Variants in CYTIP observed in about 807,000 individuals in gnomAD.
CYTIP encodes cytohesin 1 interacting protein.
CYTIP carries 26 observed loss-of-function variants against 43.8 expected under a neutral mutation model. The observed-to-expected ratio is 0.59, with a 90% CI of 0.44 to 0.82. CYTIP has a LOEUF of 0.82. Among genes scored for constraint, CYTIP ranks in the 40% least tolerant of loss-of-function variants. The pLI, the probability that CYTIP is intolerant of heterozygous loss-of-function variation, is 0.00. For missense variants in CYTIP, 426 were observed against 443.1 expected, an observed-to-expected ratio of 0.96 and a Z score of 0.35; for synonymous variants, 162 against 162.9, an observed-to-expected ratio of 0.99 and a Z score of 0.04.
intron 5 of CYTIP, among the ~76,000 whole-genome samples, chr2:157,429,370 G>C (rs1347457993): frequency 1.3e-5 from 2 of 152,222 alleles, no homozygotes. Flanking sequence ...CGCCTCCCTA[G>C]AAAAGACCAC....
chr2:157,421,809 A>G (rs1685526773), intron 6 of CYTIP, among the ~76,000 whole-genome samples: 1 of 152,216 alleles, frequency 6.6e-6, no homozygotes, highest in Non-Finnish European at 1.5e-5. Context: ...GGGTCAGACC[A>G]AGACATTTTT....
At chr2:157,431,766 C>T (rs760336237) in intron 3 of CYTIP, among the ~76,000 whole-genome samples, 8 of 152,192 alleles carry the variant, frequency 5.3e-5, no homozygotes, top group South Asian at 2.1e-4. Flanking sequence ...GAGTAGAGTA[C>T]GTCTTTTAAA....
intron 1 of CYTIP, among the ~76,000 whole-genome samples, chr2:157,436,465 C>T (rs543974220): frequency 6.6e-6 from 1 of 152,056 alleles, no homozygotes; most frequent in African/African-American, 2.4e-5. Context: ...ATAACTAGGG[C>T]TTTTTTATTC....
intron 6 of CYTIP, among the ~76,000 whole-genome samples, chr2:157,424,374 C>G (rs575116147): frequency 2.0e-5 from 3 of 152,118 alleles, no homozygotes; most frequent in African/African-American, 7.2e-5. Flanking sequence ...GTACAGAGGA[C>G]TAAGTCTAAC....
intron 1 of CYTIP, among the ~76,000 whole-genome samples, chr2:157,440,211 T>A (rs1418626309): frequency 1.3e-5 from 2 of 152,142 alleles, no homozygotes; most frequent in Non-Finnish European, 2.9e-5. Flanking sequence ...AATTCTTCCA[T>A]GCAACTCCCA....
chr2:157,424,104 A>G (rs569793556), intron 6 of CYTIP, among the ~76,000 whole-genome samples: 2 of 152,322 alleles, frequency 1.3e-5, no homozygotes, highest in African/African-American at 4.8e-5. Context: ...TCATTGTTGT[A>G]TGGTAGCGCC....
chr2:157,438,048 A>T (rs1229366643), intron 1 of CYTIP, among the ~76,000 whole-genome samples: 1 of 152,248 alleles, frequency 6.6e-6, no homozygotes, highest in Non-Finnish European at 1.5e-5. Context: ...AAAGGAAATC[A>T]TTATATCGAA....
chr2:157,415,415 C>G lies in CYTIP; in HGVS notation c.*262G>C, dbSNP rs1685424217. 1 of 348,546 alleles carries G rather than the reference C, an allele frequency of 2.9e-6. No individual in the cohort carries two copies. The highest frequency in any genetic ancestry group is 2.1e-5 in the African/African-American group (1 of 47,582). 21.6% of individuals were successfully genotyped at this position (348,546 alleles called of 1,614,324 possible). On this transcript the variant is annotated 3_prime_UTR_variant, in exon 8 of 8. Coordinates refer to ENST00000264192, the MANE Select transcript of CYTIP (RefSeq NM_004288.5). ...ATTAGTTTTGCTTTCAAAGACATTA[C>G]TGGAATGAGCAGGAACCTGCATCTT...
chr2:157,415,499 G>T lies in CYTIP; in HGVS notation c.*178C>A. ...TGTCTGCTTAGAAATTGGCTGTTTA[G>T]GTTGAAAAATGATTTAAGAAGCATA... On this transcript the variant is annotated 3_prime_UTR_variant, in exon 8 of 8. Transcript: ENST00000264192. 1.8e-6 allele frequency: 1 copy of T among 558,948 alleles called. No individual in the cohort carries two copies. The allele number at this position is 558,948 out of a possible 1,614,324, so 34.6% of individuals were successfully genotyped here. A position where few individuals can be genotyped will look rare whatever the true frequency, so the allele number is the denominator to read the frequency against.
Position 157,415,266 on chromosome 2 carries a change from G to T in CYTIP, c.*411C>A, listed in dbSNP as rs1367947378. On this transcript the variant is annotated 3_prime_UTR_variant, in exon 8 of 8. Transcript: ENST00000264192. Reference sequence around the variant, plus strand: ...AGCTACTGGGCATAAGCAAACCTAAGATTTTATAACCCAGCAATTATCCTA... The same window carrying T: ...AGCTACTGGGCATAAGCAAACCTAATATTTTATAACCCAGCAATTATCCTA... The T allele has an allele frequency of 1.2e-5, 2 of 162,666 alleles. No individual in the cohort carries two copies. The highest frequency in any genetic ancestry group is 4.8e-5 in the African/African-American group (2 of 41,504). 10.1% of individuals were successfully genotyped at this position (162,666 alleles called of 1,614,324 possible). A position where few individuals can be genotyped will look rare whatever the true frequency, so the allele number is the denominator to read the frequency against.
Position 157,430,957 on chromosome 2 carries a change from G to C in CYTIP, c.285C>G (p.Tyr95Ter). 6.2e-7 allele frequency: 1 copy of C among 1,604,864 alleles called. No homozygotes were observed. Among genetic ancestry groups the C allele is most frequent in the South Asian group, 1.1e-5 (1 of 89,134 alleles). The change falls in exon 4 of 8, where the codon TAC (tyrosine) becomes TAG (stop). Residue 95 changes from tyrosine to a stop codon, truncating the protein, a stop_gained. Coordinates refer to ENST00000264192, the MANE Select transcript of CYTIP (RefSeq NM_004288.5). LOFTEE classifies it high-confidence loss of function. ...AGCAGGCATTCTGATTCTGGGGCCT[G>C]TAAGACTGTAAAAATTAAGATGATA... is the stretch of plus-strand genomic sequence containing the variant. ...NETFGFEIQS[Y>*]RPQNQNACSS... is the part of the protein sequence containing the mutation.
In CYTIP at chr2:157,415,827, G is replaced by T; in HGVS notation, c.930C>A (p.Ser310Arg). The change falls in exon 8 of 8, where the codon AGC becomes AGA. Residue 310 changes from serine (S) to arginine (R), a missense_variant. Coordinates refer to ENST00000264192, the MANE Select transcript of CYTIP (RefSeq NM_004288.5). ...RRNRSISNTSSGSMSPLWEGN... is the reference protein window; with the variant it reads ...RRNRSISNTSRGSMSPLWEGN... Reference sequence around the variant, plus strand: ...CCTCCCACAAGGGAGACATGGATCCGCTGCTGGTGTTACTGATGCTCCGGT... The same window carrying T: ...CCTCCCACAAGGGAGACATGGATCCTCTGCTGGTGTTACTGATGCTCCGGT... The T allele has an allele frequency of 6.2e-7, 1 of 1,614,186 alleles. No individual in the cohort carries two copies. The highest frequency in any genetic ancestry group is 8.5e-7 in the Non-Finnish European group (1 of 1,180,034).
At chr2:157,422,929 A>G (rs1685545461) in intron 6 of CYTIP, among the ~76,000 whole-genome samples, 1 of 152,130 alleles carries the variant, frequency 6.6e-6, no homozygotes, top group Non-Finnish European at 1.5e-5. Flanking sequence ...GAATTCAGAA[A>G]GAATATAACA....
chr2:157,420,633 A>G lies in CYTIP; in HGVS notation c.547-2044T>C, dbSNP rs374571915. Among the ~76,000 whole-genome samples the G allele has an allele frequency of 8.1e-4, 115 of 141,570 alleles. 1 individual carries two copies. Among genetic ancestry groups the G allele is most frequent in the African/African-American group, 3.0e-3 (112 of 37,522 alleles). 92.9% of individuals were successfully genotyped at this position (141,570 alleles called of 152,430 possible). ...GCTACTGCACTCCAGCATGGGCAAT[A>G]GGGTAAGACCCTGCCACAAAAAAAA... On this transcript the variant is annotated intron_variant, in intron 6 of 7. Coordinates refer to ENST00000264192, the MANE Select transcript of CYTIP (RefSeq NM_004288.5).
chr2:157,433,413 C>T (rs1685745089), intron 3 of CYTIP, among the ~76,000 whole-genome samples: 1 of 152,112 alleles, frequency 6.6e-6, no homozygotes. Context: ...ACTCATAAAA[C>T]ATGTTTTTCT....
chr2:157,421,989 G>T lies in CYTIP; in HGVS notation c.547-3400C>A, dbSNP rs547626784. Among the ~76,000 whole-genome samples, 121 of 152,324 alleles carry T rather than the reference G, an allele frequency of 7.9e-4. 1 individual carries two copies. The highest frequency in any genetic ancestry group is 2.8e-3 in the African/African-American group (117 of 41,562). Reference sequence around the variant, plus strand: ...TATCTGAAACACAGGTCTGAGACAGGTTTTCCGCTTAAGAAAAAAACATTG... The same window carrying T: ...TATCTGAAACACAGGTCTGAGACAGTTTTTCCGCTTAAGAAAAAAACATTG... On this transcript the variant is annotated intron_variant, in intron 6 of 7. Transcript: ENST00000264192.
intron 6 of CYTIP, among the ~76,000 whole-genome samples, chr2:157,426,884 T>C (rs1283043143): frequency 6.6e-6 from 1 of 152,174 alleles, no homozygotes; most frequent in Non-Finnish European, 1.5e-5. Flanking sequence ...TATTTGCCAA[T>C]GAAAGCAGAT....
chr2:157,443,872 G>C lies in CYTIP; in HGVS notation c.149C>G (p.Ala50Gly). The change falls in exon 1 of 8, where the codon GCT becomes GGT. Residue 50 changes from alanine (A) to glycine (G), a missense_variant. Coordinates refer to ENST00000264192, the MANE Select transcript of CYTIP (RefSeq NM_004288.5). Reference protein sequence around the residue: ...RRIQMLADTVATLPRGRKQLA... With the variant: ...RRIQMLADTVGTLPRGRKQLA... ...CTGCTTTCGTCCCCGAGGCAGAGTAGCCACCGTGTCTGCTAGCATTTGAAT... is the reference window on the plus strand; with the variant it reads ...CTGCTTTCGTCCCCGAGGCAGAGTACCCACCGTGTCTGCTAGCATTTGAAT... 6.2e-7 allele frequency: 1 copy of C among 1,614,100 alleles called. No individual in the cohort carries two copies. The highest frequency in any genetic ancestry group is 8.5e-7 in the Non-Finnish European group (1 of 1,179,956).
intron 7 of CYTIP, among the ~76,000 whole-genome samples, chr2:157,416,957 G>T (rs933294782): frequency 2.0e-5 from 3 of 151,566 alleles, no homozygotes; most frequent in Non-Finnish European, 4.4e-5. Flanking sequence ...TGAGTTGGTT[G>T]GTATCTTGTG....
Sources: gnomAD v4.1 joint callset for allele counts (sites outside exome capture counted in the v4.1 genomes callset) on GRCh38, gnomAD v4.1.1 for gene constraint, MANE v1.5 for transcripts, NCBI Gene and HGNC (gene_info 2026-07-23, HGNC 2026-07-21) for gene names.